Variants in ME3 observed in about 807,000 individuals in gnomAD.
The protein encoded by ME3 is NADP-dependent malic enzyme, mitochondrial.
ME3 carries 48 observed loss-of-function variants against 68.9 expected under a neutral mutation model. The ratio of observed to expected loss-of-function variants is 0.70; its 90% CI spans 0.55 to 0.89. The LOEUF is 0.89. Among genes scored for constraint, ME3 ranks in the 40% least tolerant of loss-of-function variants. ME3 has a pLI of 0.00. For synonymous variants in ME3, 320 were observed against 318.8 expected, an observed-to-expected ratio of 1.00 and a Z score of -0.04; for missense variants, 675 against 797.4, an observed-to-expected ratio of 0.85 and a Z score of 1.85.
At chr11:86,602,654 C>A (rs1015245468) in intron 2 of ME3, among the ~76,000 whole-genome samples, 1 of 152,188 alleles carries the variant, frequency 6.6e-6, no homozygotes. Flanking sequence ...TAAGTCAATC[C>A]TAAGCCAAAA....
chr11:86,557,840 G>A (rs912373734), intron 3 of ME3, among the ~76,000 whole-genome samples: 4 of 152,116 alleles, frequency 2.6e-5, no homozygotes, highest in African/African-American at 9.7e-5. Flanking sequence ...ATCAGCCATC[G>A]TACAAGTATT....
intron 2 of ME3, among the ~76,000 whole-genome samples, chr11:86,600,610 C>T (rs1288904498): frequency 2.0e-5 from 3 of 151,664 alleles, no homozygotes; most frequent in Non-Finnish European, 2.9e-5. Flanking sequence ...ACCTAATAGA[C>T]ATCTACAGAA....
At position 86,487,356 on chromosome 11, in the gene ME3, T is replaced by C; in HGVS notation, c.790A>G (p.Met264Val). Reference sequence around the variant, plus strand: ...ACTTACTTGTCTGTCACAGCCTGCATGAACTCATCCAGCAAGTCATCGTAT... The same window carrying C: ...ACTTACTTGTCTGTCACAGCCTGCACGAACTCATCCAGCAAGTCATCGTAT... Residue 264 changes from methionine (M) to valine (V), a missense_variant, in exon 7 of 15, where the codon ATG (methionine) becomes GTG (valine). By Grantham distance (21) the Met-to-Val change is conservative (BLOSUM62 1). Coordinates refer to ENST00000543262, the Ensembl canonical transcript of ME3. The C allele has an allele frequency of 3.1e-6, 5 of 1,614,166 alleles. No individual in the cohort carries two copies. The South Asian group carries it at 4.4e-5, about 14-fold the overall frequency.
chr11:86,639,067 ACT>A (rs1296318367), intron 2 of ME3, among the ~76,000 whole-genome samples: 1 of 152,022 alleles, frequency 6.6e-6, no homozygotes, highest in Non-Finnish European at 1.5e-5. Context: ...AGAGCCTCTC[ACT>A]CTATATTAAT....
At chr11:86,447,842 A>G (rs995359305) in intron 11 of ME3, among the ~76,000 whole-genome samples, 2 of 136,716 alleles carry the variant, frequency 1.5e-5, no homozygotes, top group African/African-American at 5.6e-5. Context: ...TGGACAAAAC[A>G]GCTAAACTCT....
intron 2 of ME3, among the ~76,000 whole-genome samples, chr11:86,606,832 C>T (rs7941051): frequency 0.016 from 2,378 of 152,264 alleles, 56 homozygotes; most frequent in African/African-American, 0.054. Context: ...GCTTACCCTT[C>T]CTGTTTTAAT....
At chr11:86,648,468 CTAAGA>C (rs1403314708) in intron 2 of ME3, among the ~76,000 whole-genome samples, 2 of 150,066 alleles carry the variant, frequency 1.3e-5, no homozygotes, top group Admixed American at 6.7e-5. Context: ...CAAGAAATAA[CTAAGA>C]TAAGAACAGA....
intron 2 of ME3, among the ~76,000 whole-genome samples, chr11:86,657,745 C>A (rs1376628260): frequency 6.6e-6 from 1 of 152,162 alleles, no homozygotes; most frequent in African/African-American, 2.4e-5. Flanking sequence ...TAATAACCAT[C>A]TTTATAATGT....
chr11:86,669,773 G>T (rs768347928), intron 2 of ME3, among the ~76,000 whole-genome samples: 2 of 152,130 alleles, frequency 1.3e-5, no homozygotes, highest in Non-Finnish European at 2.9e-5. Context: ...AGAGGCAAAC[G>T]ACAGGGGCAA....
At chr11:86,474,235 C>T (rs930832693) in intron 7 of ME3, among the ~76,000 whole-genome samples, 2 of 152,192 alleles carry the variant, frequency 1.3e-5, no homozygotes, top group African/African-American at 4.8e-5. Context: ...CCCATTGACT[C>T]GCAACATAGT....
At chr11:86,661,124 T>C (rs956626445) in intron 2 of ME3, among the ~76,000 whole-genome samples, 1 of 152,206 alleles carries the variant, frequency 6.6e-6, no homozygotes, top group Non-Finnish European at 1.5e-5. Flanking sequence ...CCCACGACAG[T>C]CTCCTGGATC....
chr11:86,572,498 G>A (rs1040994950), intron 2 of ME3, among the ~76,000 whole-genome samples: 2 of 152,048 alleles, frequency 1.3e-5, no homozygotes, highest in Non-Finnish European at 2.9e-5. Context: ...TGTGTCCGTT[G>A]TTCAACTCCC....
intron 4 of ME3, among the ~76,000 whole-genome samples, chr11:86,533,316 C>T (rs1381651813): frequency 6.6e-6 from 1 of 151,936 alleles, no homozygotes; most frequent in Non-Finnish European, 1.5e-5. Flanking sequence ...GAAGATATTA[C>T]AGCTGATACT....
chr11:86,543,434 G>A (rs575916188), intron 4 of ME3, among the ~76,000 whole-genome samples: 1 of 152,276 alleles, frequency 6.6e-6, no homozygotes, highest in East Asian at 1.9e-4. Flanking sequence ...GACACACATA[G>A]GCTCAAAATA....
chr11:86,649,151 C>G (rs1008244033), intron 2 of ME3, among the ~76,000 whole-genome samples: 1 of 152,198 alleles, frequency 6.6e-6, no homozygotes, highest in Non-Finnish European at 1.5e-5. Context: ...GGATGCAAGG[C>G]TGGTTCAACA....
In ME3 at chr11:86,475,880, G is replaced by T. The variant is rs1280844635; in HGVS notation, c.810-10680C>A. 6.5e-4 allele frequency among the ~76,000 whole-genome samples: 89 copies of T among 136,774 alleles called. 2 individuals carry two copies. The highest frequency in any genetic ancestry group is 5.0e-3 in the East Asian group (25 of 4,976). The allele number at this position is 136,774 out of a possible 152,430, so 89.7% of individuals were successfully genotyped here. ...ATATATATATATATATATATAGAGA[G>T]AGAGAGAGAGAGAGAGAGAGAAAGA... On this transcript the variant is annotated intron_variant, in intron 7 of 14. Transcript: ENST00000543262.
intron 7 of ME3, among the ~76,000 whole-genome samples, chr11:86,476,749 T>C (rs1951102885): frequency 6.6e-6 from 1 of 152,192 alleles, no homozygotes; most frequent in African/African-American, 2.4e-5. Context: ...GGGGTGGGGA[T>C]GAAGACCAAG....
At chr11:86,668,215 GCTTGGCTTCTTC>G in intron 2 of ME3, 1 of 152,190 alleles carries the variant, frequency 6.6e-6, no homozygotes, top group South Asian at 2.1e-4. Context: ...CTGTGGAGTT[GCTTGGCTTCTTC>G]CTTGGCTTCT....
At chr11:86,456,322 A>T (rs1949921240) in intron 8 of ME3, among the ~76,000 whole-genome samples, 1 of 152,162 alleles carries the variant, frequency 6.6e-6, no homozygotes, top group South Asian at 2.1e-4. Flanking sequence ...GATCCCGCAG[A>T]CACTACACTC....
Sources: allele counts gnomAD v4.1 joint callset (sites outside exome capture counted in the v4.1 genomes callset), GRCh38; gene constraint gnomAD v4.1.1; transcripts MANE v1.5; gene names NCBI Gene and HGNC (gene_info 2026-07-23, HGNC 2026-07-21).